The following MEGF11 variants were observed in gnomAD, a reference collection of about 807,000 sequenced individuals.
MEGF11 encodes multiple epidermal growth factor-like domains protein 11.
Under a neutral mutation model 146.6 loss-of-function variants are expected in MEGF11, and 126 were observed. The ratio of observed to expected loss-of-function variants is 0.86; its 90% CI spans 0.74 to 1.00. The LOEUF (loss-of-function observed/expected upper bound fraction) is 1.00. Among genes scored for constraint, MEGF11 ranks in the 50% least tolerant of loss-of-function variants. The pLI, the probability that MEGF11 is intolerant of heterozygous loss-of-function variation, is 0.00. For synonymous variants in MEGF11, 532 were observed against 583.4 expected (o/e 0.91, Z 1.27); for missense variants, 1,509 against 1,521.2 (o/e 0.99, Z 0.13).
At chr15:66,112,453 TAAAG>T (rs781119280) in intron 4 of MEGF11, among the ~76,000 whole-genome samples, 24 of 152,084 alleles carry the variant, frequency 1.6e-4, no homozygotes, top group Non-Finnish European at 2.5e-4. Flanking sequence ...CATGGAGAGA[TAAAG>T]AGACTGAAAA....
intron 1 of MEGF11, among the ~76,000 whole-genome samples, chr15:66,232,960 C>T (rs997721361): frequency 6.6e-6 from 1 of 152,102 alleles, no homozygotes; most frequent in African/African-American, 2.4e-5. Flanking sequence ...ATATGAAAGC[C>T]CAGGTTACGA....
intron 5 of MEGF11, among the ~76,000 whole-genome samples, chr15:66,061,676 C>G (rs1445944284): frequency 5.5e-5 from 8 of 145,942 alleles, no homozygotes; most frequent in Non-Finnish European, 7.4e-5. Context: ...TGCTCTGTCA[C>G]CCAGGCTGGG....
At chr15:66,049,304 C>T (rs1364981788) in intron 5 of MEGF11, among the ~76,000 whole-genome samples, 1 of 152,146 alleles carries the variant, frequency 6.6e-6, no homozygotes, top group Non-Finnish European at 1.5e-5. Context: ...TAAATTGCAT[C>T]GTACCTGGGG....
intron 8 of MEGF11, among the ~76,000 whole-genome samples, chr15:65,968,997 C>G (rs2081210098): frequency 6.6e-6 from 1 of 152,128 alleles, no homozygotes; most frequent in South Asian, 2.1e-4. Context: ...AGGTGAGAAG[C>G]CCAAATGCTG....
At chr15:66,069,754 C>T (rs1395542963) in intron 5 of MEGF11, among the ~76,000 whole-genome samples, 7 of 152,168 alleles carry the variant, frequency 4.6e-5, no homozygotes, top group Non-Finnish European at 8.8e-5. Flanking sequence ...ATGAAAAATG[C>T]TACTGTTCTA....
intron 1 of MEGF11, among the ~76,000 whole-genome samples, chr15:66,141,916 C>A (rs150365413): frequency 6.6e-6 from 1 of 152,130 alleles, no homozygotes; most frequent in Non-Finnish European, 1.5e-5. Flanking sequence ...AGGGGATAAG[C>A]CCTACTCCTC....
intron 10 of MEGF11, among the ~76,000 whole-genome samples, chr15:65,948,512 G>T (rs1266447804): frequency 6.6e-6 from 1 of 152,108 alleles, no homozygotes; most frequent in African/African-American, 2.4e-5. Flanking sequence ...TGTTTCCTAA[G>T]GTCACACAGC....
At chr15:66,194,495 A>C (rs993936725) in intron 1 of MEGF11, among the ~76,000 whole-genome samples, 4 of 152,120 alleles carry the variant, frequency 2.6e-5, no homozygotes, top group Admixed American at 1.3e-4. Flanking sequence ...CTAGTCCCAG[A>C]TAGTCAAGAG....
chr15:66,080,673 T>A (rs1230162283), intron 5 of MEGF11, among the ~76,000 whole-genome samples: 1 of 152,254 alleles, frequency 6.6e-6, no homozygotes, highest in Non-Finnish European at 1.5e-5. Context: ...TGGTCCTGGC[T>A]ATTGAATTCC....
intron 1 of MEGF11, among the ~76,000 whole-genome samples, chr15:66,138,937 G>A (rs2089018396): frequency 6.6e-6 from 1 of 152,144 alleles, no homozygotes. Context: ...GTATATTAGG[G>A]TCCTGGGCCT....
chr15:65,914,907 C>T (rs1050942551), intron 19 of MEGF11, among the ~76,000 whole-genome samples: 15 of 152,180 alleles, frequency 9.9e-5, no homozygotes, highest in African/African-American at 3.1e-4. Flanking sequence ...CCAGGCACCC[C>T]GCTGAATCTC....
intron 1 of MEGF11, among the ~76,000 whole-genome samples, chr15:66,149,596 A>G (rs1244067824): frequency 6.6e-6 from 1 of 152,024 alleles, no homozygotes; most frequent in Non-Finnish European, 1.5e-5. Context: ...CTCTTCCCCC[A>G]TCTCCATCAG....
intron 1 of MEGF11, among the ~76,000 whole-genome samples, chr15:66,157,019 G>A (rs988494250): frequency 7.2e-5 from 11 of 152,102 alleles, no homozygotes; most frequent in East Asian, 5.8e-4. Flanking sequence ...GGGGAAGCCC[G>A]GACTCAACCA....
At chr15:66,109,770 C>T (rs776361844) in intron 4 of MEGF11, among the ~76,000 whole-genome samples, 2 of 152,208 alleles carry the variant, frequency 1.3e-5, no homozygotes. Flanking sequence ...TTCTTGACCC[C>T]CATTCCTTCC....
intron 1 of MEGF11, among the ~76,000 whole-genome samples, chr15:66,172,063 A>G (rs570403548): frequency 2.0e-5 from 3 of 152,246 alleles, no homozygotes; most frequent in African/African-American, 7.2e-5. Flanking sequence ...GCACTAATCT[A>G]TCATTACTTC....
chr15:66,213,074 T>C (rs1377664920), intron 1 of MEGF11, among the ~76,000 whole-genome samples: 2 of 152,124 alleles, frequency 1.3e-5, no homozygotes, highest in African/African-American at 4.8e-5. Flanking sequence ...CCGCAGGAGA[T>C]GAGGCCTGCA....
intron 1 of MEGF11, among the ~76,000 whole-genome samples, chr15:66,167,293 C>G (rs2090123113): frequency 6.6e-6 from 1 of 152,224 alleles, no homozygotes; most frequent in South Asian, 2.1e-4. Context: ...CATGACGTTT[C>G]AGAAACCCTT....
chr15:66,177,511 G>A (rs1416220140), intron 1 of MEGF11, among the ~76,000 whole-genome samples: 1 of 151,800 alleles, frequency 6.6e-6, no homozygotes, highest in African/African-American at 2.4e-5. Context: ...CCTCTCCTCT[G>A]GTTCCAGGGG....
chr15:66,181,299 A>T (rs2090539567), intron 1 of MEGF11, among the ~76,000 whole-genome samples: 1 of 152,200 alleles, frequency 6.6e-6, no homozygotes, highest in Admixed American at 6.5e-5. Flanking sequence ...GTGCAGTGGC[A>T]CAATCACGGC....
Sources: allele counts gnomAD v4.1 joint callset (sites outside exome capture counted in the v4.1 genomes callset), GRCh38; gene constraint gnomAD v4.1.1; transcripts MANE v1.5; gene names NCBI Gene and HGNC (gene_info 2026-07-23, HGNC 2026-07-21).